VAMP7: variants seen among roughly 807,000 people sequenced by gnomAD.
VAMP7 encodes vesicle associated membrane protein 7.
Under a neutral mutation model 29.6 loss-of-function variants are expected in VAMP7, and 14 were observed. The ratio of observed to expected loss-of-function variants is 0.47; its 90% CI spans 0.31 to 0.74. The LOEUF is 0.74. VAMP7 is among the 30% of genes least tolerant of loss of function. The pLI, the probability that VAMP7 is intolerant of heterozygous loss-of-function variation, is 0.05. For missense variants in VAMP7, 223 were observed against 262.4 expected (o/e 0.85, Z 1.04); for synonymous variants, 95 against 88.1 (o/e 1.08, Z -0.44).
intron 5 of VAMP7, among the ~76,000 whole-genome samples, chrX:155,909,917 A>C (rs1163382322): frequency 6.6e-6 from 1 of 152,186 alleles, no homozygotes; most frequent in Non-Finnish European, 1.5e-5. Context: ...GGTGTCCATC[A>C]GCTCAAGAAT....
intron 5 of VAMP7, among the ~76,000 whole-genome samples, chrX:155,917,542 A>T (rs2066331576): frequency 6.6e-6 from 1 of 152,054 alleles, no homozygotes. Flanking sequence ...TCTGTTTGTT[A>T]GTTTTCCTTC....
intron 5 of VAMP7, among the ~76,000 whole-genome samples, chrX:155,904,882 G>A (rs2066125795): frequency 7.2e-6 from 1 of 139,816 alleles, no homozygotes; most frequent in Admixed American, 7.6e-5. Context: ...AAGTTTTTGT[G>A]TGAGCATATA....
chrX:155,895,703 G>A, intron 3 of VAMP7, 23 bp downstream of exon 3: 1 of 1,597,170 alleles, frequency 6.3e-7, no homozygotes, highest in Middle Eastern at 1.7e-4. Context: ...AAGACATATT[G>A]CTATTTAACT....
intron 6 of VAMP7, among the ~76,000 whole-genome samples, chrX:155,936,463 T>C (rs1458913751): frequency 6.6e-6 from 1 of 152,196 alleles, no homozygotes; most frequent in Non-Finnish European, 1.5e-5. Flanking sequence ...GTGCTAGCAA[T>C]GAGTGAGGCT....
At chrX:155,903,509 GA>G (rs1415260450) in intron 5 of VAMP7, among the ~76,000 whole-genome samples, 2 of 151,646 alleles carry the variant, frequency 1.3e-5, no homozygotes, top group African/African-American at 4.8e-5. Flanking sequence ...AAATTTACAA[GA>G]AAAAAACAAA....
chrX:155,927,431 A>G (rs2066485393), intron 6 of VAMP7, among the ~76,000 whole-genome samples: 1 of 151,002 alleles, frequency 6.6e-6, no homozygotes, highest in South Asian at 2.1e-4. Flanking sequence ...CAAACCAGAA[A>G]AATGGTGCTG....
chrX:155,922,362 G>T (rs1304313420), intron 6 of VAMP7, among the ~76,000 whole-genome samples: 1 of 151,950 alleles, frequency 6.6e-6, no homozygotes, highest in Non-Finnish European at 1.5e-5. Context: ...TAAGTTTGTG[G>T]TTAACTGTAG....
At position 155,943,287 on chromosome X, in the gene VAMP7, C is replaced by T. The variant is rs1441740699; in HGVS notation, c.*1336C>T. ...AAATTAGTCTGTAGAATCTAGCCAC[C>T]TGTTTAGCCTAGTCATGTGCCTTGA... On this transcript the variant is annotated 3_prime_UTR_variant, in exon 8 of 8. Transcript: ENST00000286448. 6.6e-6 allele frequency: 1 copy of T among 152,126 alleles called. No homozygotes were observed. The highest frequency in any genetic ancestry group is 1.5e-5 in the Non-Finnish European group (1 of 67,938). 9.4% of individuals were successfully genotyped at this position (152,126 alleles called of 1,614,324 possible).
Position 155,887,947 on chromosome X carries a change from A to AG in VAMP7, c.-9-1511_-9-1510insG, listed in dbSNP as rs938878156. Reference sequence around the variant, plus strand: ...AGCAAGACCCTGTCTCAAAAAAAAAAAAAAAAGAAAAGAAACAGAACAGTA... The same window carrying AG: ...AGCAAGACCCTGTCTCAAAAAAAAAAGAAAAAAGAAAAGAAACAGAACAGTA... On this transcript the variant is annotated intron_variant, in intron 1 of 7. Coordinates refer to ENST00000286448, the MANE Select transcript of VAMP7 (RefSeq NM_005638.6). 3.3e-5 allele frequency among the ~76,000 whole-genome samples: 5 copies of AG among 151,860 alleles called. No homozygotes were observed. In the Middle Eastern group the frequency reaches 0.01, roughly 310 times the overall value.
intron 4 of VAMP7, among the ~76,000 whole-genome samples, chrX:155,898,570 A>G (rs767004730): frequency 6.6e-6 from 1 of 152,104 alleles, no homozygotes; most frequent in South Asian, 2.1e-4. Flanking sequence ...CTATACGTAA[A>G]CCTTCTACCC....
chrX:155,932,157 G>A (rs1315970837), intron 6 of VAMP7, among the ~76,000 whole-genome samples: 2 of 152,134 alleles, frequency 1.3e-5, no homozygotes, highest in South Asian at 2.1e-4. Flanking sequence ...CTACAGTTTT[G>A]TTCTTTTGGC....
At chrX:155,935,301 A>G (rs753168523) in intron 6 of VAMP7, among the ~76,000 whole-genome samples, 4 of 152,026 alleles carry the variant, frequency 2.6e-5, no homozygotes, top group South Asian at 2.1e-4. Context: ...GTGTTTTCCA[A>G]CTTGGTTCCA....
chrX:155,928,984 T>A (rs900098101), intron 6 of VAMP7, among the ~76,000 whole-genome samples: 25 of 152,230 alleles, frequency 1.6e-4, no homozygotes, highest in African/African-American at 6.0e-4. Flanking sequence ...CCTCACACAT[T>A]TTCTTCATAT....
intron 6 of VAMP7, among the ~76,000 whole-genome samples, chrX:155,921,400 C>G (rs1164988163): frequency 1.3e-5 from 2 of 152,040 alleles, no homozygotes; most frequent in African/African-American, 4.8e-5. Flanking sequence ...CATACCCCTT[C>G]CAGTTAATAA....
At chrX:155,889,411 T>C in intron 1 of VAMP7, 47 bp from the exon 2 acceptor site, 1 of 1,587,174 alleles carries the variant, frequency 6.3e-7, no homozygotes. Context: ...CTTTGAAAGA[T>C]TATGTCAAAG....
chrX:155,930,814 ACT>A (rs1454141440), intron 6 of VAMP7, among the ~76,000 whole-genome samples: 2 of 151,720 alleles, frequency 1.3e-5, no homozygotes, highest in East Asian at 1.9e-4. Context: ...GCACCCATTA[ACT>A]CATCATTTAC....
rs531266241 is a variant in VAMP7, at chrX:155,909,695, C to T, written c.433+9108C>T. 6.6e-5 allele frequency among the ~76,000 whole-genome samples: 10 copies of T among 152,258 alleles called. No individual in the cohort carries two copies. In the South Asian group the frequency reaches 2.1e-3, roughly 32 times the overall value. On this transcript the variant is annotated intron_variant, in intron 5 of 7. Coordinates refer to ENST00000286448, the MANE Select transcript of VAMP7 (RefSeq NM_005638.6). Reference sequence around the variant, plus strand: ...TCTGGAGGCTAGAAGTCCAAGATCACGGTGCCAGTATGGTCAGGTTCTGGT... The same window carrying T: ...TCTGGAGGCTAGAAGTCCAAGATCATGGTGCCAGTATGGTCAGGTTCTGGT...
At chrX:155,898,039 A>C in intron 3 of VAMP7, 73 bp from the exon 4 acceptor site, 3 of 1,546,030 alleles carry the variant, frequency 1.9e-6, no homozygotes, top group Non-Finnish European at 2.6e-6. Flanking sequence ...GCTGTTTTTT[A>C]TTGTTGTTCT....
intron 2 of VAMP7, among the ~76,000 whole-genome samples, chrX:155,891,452 G>T (rs2065924833): frequency 1.3e-5 from 2 of 152,144 alleles, no homozygotes; most frequent in African/African-American, 4.8e-5. Flanking sequence ...TGTGGCTCCT[G>T]TGGTCCACTG....
Sources: gnomAD v4.1 joint callset for allele counts (sites outside exome capture counted in the v4.1 genomes callset) on GRCh38, gnomAD v4.1.1 for gene constraint, MANE v1.5 for transcripts, NCBI Gene and HGNC (gene_info 2026-07-23, HGNC 2026-07-21) for gene names.